Variants in ZNF536 observed in about 807,000 individuals in gnomAD.
ZNF536 encodes the protein zinc finger protein 536.
ZNF536 carries 13 observed loss-of-function variants against 84.5 expected under a neutral mutation model. The ratio of observed to expected loss-of-function variants is 0.15; its 90% confidence interval spans 0.10 to 0.24. The LOEUF (loss-of-function observed/expected upper bound fraction) is 0.24. ZNF536 is among the 10% of genes least tolerant of loss of function. ZNF536 has a pLI of 1.00. For synonymous variants in ZNF536, 811 were observed against 742.5 expected, an observed-to-expected ratio of 1.09 and a Z score of -1.50; for missense variants, 1,536 against 1,747.5, an observed-to-expected ratio of 0.88 and a Z score of 2.16.
intron 1 of ZNF536, among the ~76,000 whole-genome samples, chr19:30,419,380 T>A (rs2147823683): frequency 6.6e-6 from 1 of 152,270 alleles, no homozygotes; most frequent in Middle Eastern, 3.4e-3. Flanking sequence ...GAAAACTGAG[T>A]CATAGTTTAT....
At chr19:30,343,960 G>T (rs1309932910) in intron 2 of ZNF536, among the ~76,000 whole-genome samples, 1 of 152,048 alleles carries the variant, frequency 6.6e-6, no homozygotes, top group Non-Finnish European at 1.5e-5. Context: ...CCTTTTTAAG[G>T]TAATAGCTTG....
At chr19:30,301,361 A>G (rs2046177481) in intron 2 of ZNF536, among the ~76,000 whole-genome samples, 1 of 152,314 alleles carries the variant, frequency 6.6e-6, no homozygotes, top group South Asian at 2.1e-4. Context: ...AAAATGGGGT[A>G]GCGGCGATGC....
chr19:30,531,998 G>A (rs754540102), intron 2 of ZNF536, among the ~76,000 whole-genome samples: 4 of 152,130 alleles, frequency 2.6e-5, no homozygotes, highest in African/African-American at 7.2e-5. Context: ...AGAACATGAG[G>A]ACATTCTCCT....
At chr19:30,601,043 G>A (rs971715816) in intron 1 of ZNF536, among the ~76,000 whole-genome samples, 3 of 152,216 alleles carry the variant, frequency 2.0e-5, no homozygotes, top group South Asian at 2.1e-4. Flanking sequence ...CCAGATTGAG[G>A]TTAGTGCTAA....
At chr19:30,392,290 G>T (rs2049626383) in intron 1 of ZNF536, among the ~76,000 whole-genome samples, 1 of 152,186 alleles carries the variant, frequency 6.6e-6, no homozygotes, top group African/African-American at 2.4e-5. Flanking sequence ...GGGAGGTAGG[G>T]ACAGAAAGAT....
chr19:30,510,131 A>G (rs1243378444), intron 2 of ZNF536, among the ~76,000 whole-genome samples: 1 of 152,144 alleles, frequency 6.6e-6, no homozygotes, highest in African/African-American at 2.4e-5. Flanking sequence ...TTTTTTAAAG[A>G]TAGAAATTTT....
At chr19:30,430,154 C>A (rs923139744) in intron 1 of ZNF536, among the ~76,000 whole-genome samples, 15 of 152,148 alleles carry the variant, frequency 9.9e-5, no homozygotes, top group African/African-American at 3.6e-4. Flanking sequence ...CTGGCTGTGC[C>A]TCCATGAGTA....
intron 1 of ZNF536, among the ~76,000 whole-genome samples, chr19:30,396,564 G>GCCT (rs1482937873): frequency 1.3e-5 from 2 of 148,984 alleles, no homozygotes; most frequent in African/African-American, 2.5e-5. Flanking sequence ...GATGTGTCCT[G>GCCT]CCTCCATTTG....
intron 1 of ZNF536, among the ~76,000 whole-genome samples, chr19:30,261,394 A>G (rs1439343797): frequency 6.6e-6 from 1 of 151,898 alleles, no homozygotes; most frequent in African/African-American, 2.4e-5. Flanking sequence ...CTAACTTATA[A>G]AAAGAAGAAA....
At chr19:30,248,091 C>T (rs1375403531) in intron 1 of ZNF536, among the ~76,000 whole-genome samples, 1 of 152,102 alleles carries the variant, frequency 6.6e-6, no homozygotes, top group African/African-American at 2.4e-5. Flanking sequence ...TCTCTGCATT[C>T]GAATTCAAAC....
chr19:30,580,767 G>A (rs932203974), intron 1 of ZNF536, among the ~76,000 whole-genome samples: 16 of 152,256 alleles, frequency 1.1e-4, no homozygotes, highest in African/African-American at 3.6e-4. Flanking sequence ...CTTTGGGCCC[G>A]TTTCTCACCA....
intron 1 of ZNF536, among the ~76,000 whole-genome samples, chr19:30,239,651 A>G (rs541414047): frequency 6.6e-6 from 1 of 152,208 alleles, no homozygotes; most frequent in Non-Finnish European, 1.5e-5. Context: ...CTTAAAATGC[A>G]ATTAAGTCAA....
chr19:30,569,556 G>GTCCTTT (rs1568563601), intron 1 of ZNF536, among the ~76,000 whole-genome samples: 1 of 80,440 alleles, frequency 1.2e-5, no homozygotes, highest in African/African-American at 4.9e-5. Flanking sequence ...CCAGATAAAC[G>GTCCTTT]TTCTTTTTTT....
At chr19:30,663,473 C>G (rs114322660) in intron 1 of ZNF536, among the ~76,000 whole-genome samples, 3 of 152,162 alleles carry the variant, frequency 2.0e-5, no homozygotes, top group African/African-American at 7.2e-5. Context: ...CATTATACGA[C>G]GCCTTCCAAA....
intron 1 of ZNF536, among the ~76,000 whole-genome samples, chr19:30,664,089 G>T (rs77509100): frequency 6.6e-6 from 1 of 152,144 alleles, no homozygotes; most frequent in African/African-American, 2.4e-5. Context: ...GTACCTAGAA[G>T]GGGGATCATT....
intron 1 of ZNF536, among the ~76,000 whole-genome samples, chr19:30,433,485 ATTTGTTTG>A (rs997804191): frequency 1.3e-5 from 2 of 152,162 alleles, no homozygotes; most frequent in Non-Finnish European, 1.5e-5. Flanking sequence ...CAACAGGAGC[ATTTGTTTG>A]TTTGTTTGTT....
At chr19:30,389,833 G>A (rs2049505412) in intron 1 of ZNF536, among the ~76,000 whole-genome samples, 1 of 152,216 alleles carries the variant, frequency 6.6e-6, no homozygotes, top group Admixed American at 6.5e-5. Context: ...TTCCAGAAGG[G>A]CCACTTGGCT....
intron 1 of ZNF536, among the ~76,000 whole-genome samples, chr19:30,688,277 AATTTCTGT>A (rs2051276447): frequency 6.6e-6 from 1 of 152,056 alleles, no homozygotes; most frequent in Non-Finnish European, 1.5e-5. Flanking sequence ...TCGATTTTGG[AATTTCTGT>A]ATTTCGTTTT....
At chr19:30,282,461 T>C (rs1347122652) in intron 1 of ZNF536, among the ~76,000 whole-genome samples, 1 of 152,146 alleles carries the variant, frequency 6.6e-6, no homozygotes, top group Non-Finnish European at 1.5e-5. Flanking sequence ...GACAAACCGG[T>C]GTGGGACTTC....
Sources: allele counts gnomAD v4.1 joint callset (sites outside exome capture counted in the v4.1 genomes callset), GRCh38; gene constraint gnomAD v4.1.1; transcripts MANE v1.5; gene names NCBI Gene and HGNC (gene_info 2026-07-23, HGNC 2026-07-21).